FAM107B: variants seen among roughly 807,000 people sequenced by gnomAD.
FAM107B encodes protein FAM107B.
Under a neutral mutation model 31.5 loss-of-function variants are expected in FAM107B, and 21 were observed. The ratio of observed to expected loss-of-function variants is 0.67; its 90% CI spans 0.47 to 0.96. The LOEUF is 0.96. Ranked by LOEUF, FAM107B falls within the 40% of genes least tolerant of loss-of-function variation. The probability of loss-of-function intolerance (pLI) is 0.00; values close to 1 mark genes in which losing one functional copy is unlikely to be tolerated. For synonymous variants in FAM107B, 157 were observed against 141.5 expected, an observed-to-expected ratio of 1.11 and a Z score of -0.78; for missense variants, 452 against 377.1, an observed-to-expected ratio of 1.20 and a Z score of -1.64.
chr10:14,552,848 G>A (rs548311632), intron 2 of FAM107B, among the ~76,000 whole-genome samples: 8 of 151,978 alleles, frequency 5.3e-5, no homozygotes, highest in African/African-American at 9.7e-5. Flanking sequence ...ATTTCACTTC[G>A]TTGTAATGCT....
At chr10:14,674,981 T>G (rs751668204) in intron 1 of FAM107B, among the ~76,000 whole-genome samples, 1 of 152,198 alleles carries the variant, frequency 6.6e-6, no homozygotes, top group African/African-American at 2.4e-5. Flanking sequence ...CATGAGCCAT[T>G]GTGCTTGTCC....
At chr10:14,588,445 T>C (rs149846796) in intron 2 of FAM107B, among the ~76,000 whole-genome samples, 1 of 152,158 alleles carries the variant, frequency 6.6e-6, no homozygotes, top group East Asian at 1.9e-4. Flanking sequence ...TGGGTCAGAG[T>C]ACAAACCACG....
rs528071651 is a variant in FAM107B at position 14,623,171 on chromosome 10, T to C, written c.469+44463A>G. On this transcript the variant is annotated intron_variant, in intron 2 of 4. Coordinates refer to ENST00000181796, the MANE Select transcript of FAM107B (RefSeq NM_031453.4). ...TGGTGTTCATCTTTTGTTGATTTAA[T>C]ATTTAATTATACAACAGTATTAAAA... Among the ~76,000 whole-genome samples, 87 of 152,352 alleles carry C rather than the reference T, an allele frequency of 5.7e-4. 1 individual carries two copies. Among genetic ancestry groups the C allele is most frequent in the African/African-American group, 2.1e-3 (86 of 41,582 alleles).
Position 14,520,811 on chromosome 10 carries a change from A to G in FAM107B, c.*379T>C, listed in dbSNP as rs769384552. On this transcript the variant is annotated 3_prime_UTR_variant, in exon 5 of 5. Transcript: ENST00000181796. ...ATTAAACACTTGTTTTTTAGCTTTT[A>G]AAAGAAAAAAGGCTCTGGGTCCCAC... 4.0e-5 allele frequency: 7 copies of G among 175,796 alleles called. No homozygotes were observed. Among genetic ancestry groups the G allele is most frequent in the Admixed American group, 2.5e-4 (4 of 15,958 alleles). 10.9% of individuals were successfully genotyped at this position (175,796 alleles called of 1,614,324 possible).
intron 2 of FAM107B, among the ~76,000 whole-genome samples, chr10:14,626,504 T>C (rs1853167322): frequency 9.4e-6 from 1 of 105,918 alleles, no homozygotes; most frequent in African/African-American, 3.1e-5. Context: ...CGGATCTTTT[T>C]TTTCTTTTTT....
chr10:14,720,994 A>C (rs1855897587), intron 1 of FAM107B, among the ~76,000 whole-genome samples: 2 of 150,864 alleles, frequency 1.3e-5, no homozygotes, highest in Admixed American at 1.3e-4. Flanking sequence ...TCCCTCCCCC[A>C]GGCCCCCACC....
chr10:14,562,474 G>A (rs1298681258), intron 2 of FAM107B, among the ~76,000 whole-genome samples: 3 of 152,182 alleles, frequency 2.0e-5, no homozygotes, highest in African/African-American at 7.2e-5. Flanking sequence ...CTTTGTGGGT[G>A]CTTTGTAGCT....
chr10:14,627,413 G>T (rs1163872133), intron 2 of FAM107B, among the ~76,000 whole-genome samples: 2 of 152,180 alleles, frequency 1.3e-5, no homozygotes, highest in Admixed American at 6.5e-5. Context: ...GCAAATACCT[G>T]TTAAAATCAT....
intron 2 of FAM107B, among the ~76,000 whole-genome samples, chr10:14,565,769 G>C (rs1588603275): frequency 6.6e-6 from 1 of 152,186 alleles, no homozygotes; most frequent in Admixed American, 6.5e-5. Context: ...GAGAGGAAGG[G>C]GAGGCTGCAA....
rs375709312 is a variant in FAM107B at position 14,575,187 on chromosome 10, G to C, written c.470-44672C>G. On this transcript the variant is annotated intron_variant, in intron 2 of 4. Coordinates refer to ENST00000181796, the MANE Select transcript of FAM107B (RefSeq NM_031453.4). ...TACTTCCCTGTACTGGGGATCACAC[G>C]CTAAAGAAGCTTTTTGTTTTTTTGT... Among the ~76,000 whole-genome samples, 20 of 149,986 alleles carry C rather than the reference G, an allele frequency of 1.3e-4. No homozygotes were observed. In the East Asian group the frequency reaches 2.4e-3, roughly 18 times the overall value.
At chr10:14,572,761 T>TATATATATATATATATA (rs1554835550) in intron 2 of FAM107B, among the ~76,000 whole-genome samples, 5 of 76,034 alleles carry the variant, frequency 6.6e-5, no homozygotes, top group Non-Finnish European at 1.4e-4. Context: ...ATATATATAT[T>TATATATATATATATATA]AGAGTGTGTG....
Position 14,581,444 on chromosome 10 carries a change from C to G in FAM107B, c.470-50929G>C, listed in dbSNP as rs184273305. The stretch of plus-strand genomic sequence containing the variant: ...CTCAAGAAGCAGTTGATTCAAGTGT[C>G]AGAGTTCCAGGCCACCAAATGCAGT... On this transcript the variant is annotated intron_variant, in intron 2 of 4. Coordinates refer to ENST00000181796, the MANE Select transcript of FAM107B (RefSeq NM_031453.4). 4.2e-3 allele frequency among the ~76,000 whole-genome samples: 637 copies of G among 152,320 alleles called. 5 individuals carry two copies. Among genetic ancestry groups the G allele is most frequent in the African/African-American group, 0.014 (598 of 41,566 alleles).
At chr10:14,698,371 G>T (rs1855316978) in intron 1 of FAM107B, among the ~76,000 whole-genome samples, 1 of 152,160 alleles carries the variant, frequency 6.6e-6, no homozygotes, top group South Asian at 2.1e-4. Flanking sequence ...TACTGGCAGG[G>T]GTGAACAAAG....
intron 1 of FAM107B, among the ~76,000 whole-genome samples, chr10:14,699,954 A>G (rs1855356010): frequency 6.6e-6 from 1 of 152,024 alleles, no homozygotes; most frequent in Admixed American, 6.6e-5. Flanking sequence ...TATTTTTGAG[A>G]TGGACTCCCG....
At chr10:14,529,089 G>C (rs1440560056) in intron 3 of FAM107B, among the ~76,000 whole-genome samples, 1 of 152,178 alleles carries the variant, frequency 6.6e-6, no homozygotes, top group Non-Finnish European at 1.5e-5. Flanking sequence ...CTACTAAACT[G>C]ACGAGCTTTC....
chr10:14,673,280 AT>A (rs1260979806), intron 1 of FAM107B, among the ~76,000 whole-genome samples: 1 of 151,652 alleles, frequency 6.6e-6, no homozygotes, highest in African/African-American at 2.4e-5. Context: ...ACCTCTCCCT[AT>A]TTTTCCTTCC....
chr10:14,653,241 T>C (rs918220170), intron 2 of FAM107B, among the ~76,000 whole-genome samples: 2 of 152,264 alleles, frequency 1.3e-5, no homozygotes, highest in Admixed American at 1.3e-4. Flanking sequence ...CTGTTCTGTT[T>C]CCATGGCTCA....
chr10:14,750,290 C>CA (rs1832801843), intron 1 of FAM107B, among the ~76,000 whole-genome samples: 1 of 152,154 alleles, frequency 6.6e-6, no homozygotes, highest in Non-Finnish European at 1.5e-5. Context: ...AAGACATAAA[C>CA]ATAGAACTCC....
At chr10:14,667,812 C>T in intron 1 of FAM107B, 121 bp from the exon 2 acceptor site, 2 of 982,244 alleles carry the variant, frequency 2.0e-6, no homozygotes, top group East Asian at 2.5e-5. Flanking sequence ...AAACTTAAAC[C>T]ACACCTTAAA....
Sources: gnomAD v4.1 joint callset for allele counts (sites outside exome capture counted in the v4.1 genomes callset) on GRCh38, gnomAD v4.1.1 for gene constraint, MANE v1.5 for transcripts, NCBI Gene and HGNC (gene_info 2026-07-23, HGNC 2026-07-21) for gene names.